The following NBEA variants were observed in gnomAD, a reference collection of about 807,000 sequenced individuals.
NBEA encodes neurobeachin, also known as lysosomal-trafficking regulator 2.
NBEA carries 44 observed loss-of-function variants against 343.4 expected under a neutral mutation model. That is an observed-to-expected ratio of 0.13 (90% CI 0.10 to 0.16). The LOEUF (loss-of-function observed/expected upper bound fraction) is 0.16, where lower values mean the gene tolerates loss of function less well. Ranked by LOEUF, NBEA falls within the 10% of genes least tolerant of loss-of-function variation. The pLI is 1.00. For missense variants in NBEA, 2,555 were observed against 3,631.3 expected, an observed-to-expected ratio of 0.70 and a Z score of 7.62; for synonymous variants, 1,175 against 1,238.7, an observed-to-expected ratio of 0.95 and a Z score of 1.08.
intron 10 of NBEA, among the ~76,000 whole-genome samples, chr13:35,076,167 G>C (rs1258975184): frequency 1.3e-5 from 2 of 151,826 alleles, no homozygotes; most frequent in Non-Finnish European, 2.9e-5. Flanking sequence ...AGTTTATACA[G>C]TTATATTTAC....
At chr13:35,497,857 TA>T (rs1376041024) in intron 41 of NBEA, among the ~76,000 whole-genome samples, 2 of 152,056 alleles carry the variant, frequency 1.3e-5, no homozygotes, top group Non-Finnish European at 2.9e-5. Context: ...CTATTTAGAA[TA>T]AAAACCACTT....
chr13:35,383,392 A>T (rs1475091478), intron 38 of NBEA, among the ~76,000 whole-genome samples: 2 of 152,186 alleles, frequency 1.3e-5, no homozygotes, highest in Non-Finnish European at 2.9e-5. Context: ...GAGTGAACAG[A>T]TGGAATAGGG....
intron 36 of NBEA, among the ~76,000 whole-genome samples, chr13:35,336,416 C>G (rs751611377): frequency 6.6e-6 from 1 of 152,082 alleles, no homozygotes; most frequent in Non-Finnish European, 1.5e-5. Context: ...TGCTTATACA[C>G]TATTGGTGGG....
intron 13 of NBEA, among the ~76,000 whole-genome samples, chr13:35,112,433 CTT>C (rs1317999093): frequency 4.6e-5 from 7 of 151,932 alleles, no homozygotes; most frequent in African/African-American, 1.2e-4. Flanking sequence ...CTATATATAA[CTT>C]TGTTTTTGAT....
intron 45 of NBEA, among the ~76,000 whole-genome samples, chr13:35,572,774 C>T (rs893297912): frequency 2.0e-5 from 3 of 152,034 alleles, no homozygotes; most frequent in African/African-American, 7.2e-5. Context: ...CCCTCTGTCA[C>T]CCAGGCTGGA....
At chr13:35,508,752 C>T (rs901659327) in intron 41 of NBEA, among the ~76,000 whole-genome samples, 1 of 152,046 alleles carries the variant, frequency 6.6e-6, no homozygotes, top group African/African-American at 2.4e-5. Context: ...AGTGGTAATA[C>T]CCAGATGACA....
intron 1 of NBEA, among the ~76,000 whole-genome samples, chr13:35,025,420 G>C (rs2061985156): frequency 6.6e-6 from 1 of 152,114 alleles, no homozygotes; most frequent in Non-Finnish European, 1.5e-5. Context: ...TATTGAGTTA[G>C]GGAGTCCTTT....
chr13:35,426,489 C>T (rs1447206462), intron 38 of NBEA, among the ~76,000 whole-genome samples: 1 of 152,188 alleles, frequency 6.6e-6, no homozygotes. Flanking sequence ...TCTCTTCTGG[C>T]TTGTAGAGTT....
At chr13:35,501,927 G>GAA (rs1462880809) in intron 41 of NBEA, among the ~76,000 whole-genome samples, 1 of 152,052 alleles carries the variant, frequency 6.6e-6, no homozygotes, top group Non-Finnish European at 1.5e-5. Context: ...ATGTGTGTGT[G>GAA]CATACATGTG....
intron 41 of NBEA, among the ~76,000 whole-genome samples, chr13:35,524,834 C>A (rs535892309): frequency 2.0e-5 from 3 of 152,126 alleles, no homozygotes; most frequent in Non-Finnish European, 4.4e-5. Context: ...ACAGCACTTA[C>A]CAGGATGTTC....
intron 36 of NBEA, among the ~76,000 whole-genome samples, chr13:35,327,229 A>G (rs2152845015): frequency 6.6e-6 from 1 of 152,180 alleles, no homozygotes; most frequent in Non-Finnish European, 1.5e-5. Context: ...GATTTCTTAA[A>G]AAGCTTAAAA....
At chr13:35,132,132 C>T (rs1184391681) in intron 17 of NBEA, among the ~76,000 whole-genome samples, 1 of 152,036 alleles carries the variant, frequency 6.6e-6, no homozygotes, top group South Asian at 2.1e-4. Context: ...AGCCAGACTT[C>T]GCATGAATGT....
intron 38 of NBEA, among the ~76,000 whole-genome samples, chr13:35,370,472 T>C (rs953100873): frequency 6.6e-6 from 1 of 152,118 alleles, no homozygotes; most frequent in Non-Finnish European, 1.5e-5. Flanking sequence ...AGTTGAGTCA[T>C]GTTTTTAAAC....
chr13:35,332,231 C>T (rs770861731), intron 36 of NBEA, among the ~76,000 whole-genome samples: 5 of 151,896 alleles, frequency 3.3e-5, no homozygotes, highest in Admixed American at 6.6e-5. Flanking sequence ...AGGAAATAGC[C>T]AAGCTAGTGT....
intron 1 of NBEA, among the ~76,000 whole-genome samples, chr13:35,013,786 A>G (rs1293645181): frequency 6.6e-6 from 1 of 152,120 alleles, no homozygotes; most frequent in Non-Finnish European, 1.5e-5. Context: ...GTATTTTATA[A>G]GAAAAATCTG....
intron 1 of NBEA, among the ~76,000 whole-genome samples, chr13:35,025,876 C>T (rs966008031): frequency 9.2e-5 from 14 of 152,090 alleles, no homozygotes; most frequent in African/African-American, 3.4e-4. Context: ...ATCTGTTTTA[C>T]ATACTACTGA....
intron 40 of NBEA, among the ~76,000 whole-genome samples, chr13:35,465,077 A>ACTC (rs1459197042): frequency 1.3e-5 from 2 of 152,054 alleles, no homozygotes. Flanking sequence ...TTACATTATA[A>ACTC]CTCTCATTGG....
intron 38 of NBEA, among the ~76,000 whole-genome samples, chr13:35,388,553 C>T (rs1471567491): frequency 6.6e-6 from 1 of 152,100 alleles, no homozygotes; most frequent in Admixed American, 6.6e-5. Flanking sequence ...TCTGTATTTA[C>T]TTGCCAGTAC....
At chr13:35,323,479 A>G (rs1200800482) in intron 36 of NBEA, among the ~76,000 whole-genome samples, 1 of 149,774 alleles carries the variant, frequency 6.7e-6, no homozygotes, top group Non-Finnish European at 1.5e-5. Flanking sequence ...AAAACCAAAC[A>G]CCACATATTC....
Sources: gnomAD v4.1 joint callset for allele counts (sites outside exome capture counted in the v4.1 genomes callset) on GRCh38, gnomAD v4.1.1 for gene constraint, MANE v1.5 for transcripts, NCBI Gene and HGNC (gene_info 2026-07-23, HGNC 2026-07-21) for gene names.